Variants in CLCN5 observed in about 807,000 individuals in gnomAD.
CLCN5 encodes Cl-/H+ antiporter 5.
A neutral mutation model predicts 54.0 loss-of-function variants in CLCN5; 17 were observed. The ratio of observed to expected loss-of-function variants is 0.31; its 90% CI spans 0.22 to 0.47. The LOEUF is 0.47. Among genes scored for constraint, CLCN5 ranks in the 20% least tolerant of loss-of-function variants. The pLI, the probability that CLCN5 is intolerant of heterozygous loss-of-function variation, is 1.00. For synonymous variants in CLCN5, 222 were observed against 233.0 expected (o/e 0.95, Z 0.43); for missense variants, 448 against 646.7 (o/e 0.69, Z 3.33).
At chrX:50,044,225 T>C (rs1019374219) in intron 4 of CLCN5, among the ~76,000 whole-genome samples, 2 of 111,819 alleles carry the variant, frequency 1.8e-5, no homozygotes, top group Non-Finnish European at 3.8e-5. Context: ...GCTACAACCC[T>C]GTATTATAAG....
chrX:50,076,456 A>G (rs1351742473), intron 7 of CLCN5, among the ~76,000 whole-genome samples: 1 of 112,474 alleles, frequency 8.9e-6, no homozygotes, highest in Non-Finnish European at 1.9e-5. Flanking sequence ...ACCCAGGAAT[A>G]AAATTGCCTA....
chrX:49,928,845 A>G (rs1925489102), intron 3 of CLCN5, among the ~76,000 whole-genome samples: 1 of 111,422 alleles, frequency 9.0e-6, no homozygotes, highest in Non-Finnish European at 1.9e-5. Flanking sequence ...GAATGGCGTG[A>G]ACCCAGGAGG....
rs782665972 is a variant in CLCN5, at chrX:50,040,970, G to A, written c.17-1346G>A. Among the ~76,000 whole-genome samples, 9 of 111,405 alleles carry A rather than the reference G, an allele frequency of 8.1e-5. No homozygotes were observed. In the South Asian group the frequency reaches 3.4e-3, roughly 42 times the overall value. On this transcript the variant is annotated intron_variant, in intron 3 of 14. Coordinates refer to ENST00000376091, the MANE Select transcript of CLCN5 (RefSeq NM_001127898.4). ...TAACTGGGCAAGTTAGCCTTTTGCA[G>A]CTTTCAGTTTCCTTATCTACACTAG...
intron 10 of CLCN5, 94 bp downstream of exon 10, chrX:50,086,154 T>C (rs1933878036): frequency 2.6e-5 from 23 of 871,054 alleles, no homozygotes; most frequent in Non-Finnish European, 3.9e-5. Context: ...GTACAATATC[T>C]GTGTATATCC....
intron 4 of CLCN5, among the ~76,000 whole-genome samples, chrX:50,049,390 CTA>C (rs1428178585): frequency 9.0e-6 from 1 of 111,530 alleles, no homozygotes; most frequent in Non-Finnish European, 1.9e-5. Context: ...TAAGTACACT[CTA>C]TGATGTTTGC....
chrX:49,996,194 G>A (rs1466156538), intron 3 of CLCN5, among the ~76,000 whole-genome samples: 2 of 111,902 alleles, frequency 1.8e-5, no homozygotes, highest in Admixed American at 9.5e-5. Context: ...CCCTTGTGCC[G>A]AAGACTGTGT....
chrX:49,939,031 GA>G (rs1926169326), intron 3 of CLCN5, among the ~76,000 whole-genome samples: 1 of 108,660 alleles, frequency 9.2e-6, no homozygotes, highest in African/African-American at 3.3e-5. Flanking sequence ...AGAAACACAT[GA>G]AAAAATGCTC....
At chrX:49,989,434 A>G in intron 3 of CLCN5, among the ~76,000 whole-genome samples, 1 of 112,105 alleles carries the variant, frequency 8.9e-6, no homozygotes, top group Non-Finnish European at 1.9e-5. Context: ...CTAGCCTTTT[A>G]AGTCCCTTGA....
intron 3 of CLCN5, among the ~76,000 whole-genome samples, chrX:50,038,589 C>T (rs1932093107): frequency 8.9e-6 from 1 of 111,969 alleles, no homozygotes; most frequent in Non-Finnish European, 1.9e-5. Flanking sequence ...TCAAGAGTGT[C>T]AAGATCATGA....
chrX:50,014,414 G>A (rs1569538752), intron 3 of CLCN5, among the ~76,000 whole-genome samples: 2 of 112,175 alleles, frequency 1.8e-5, no homozygotes, highest in Non-Finnish European at 3.8e-5. Context: ...TAGGAGACTT[G>A]ACTTTTTGTC....
rs1175003681 is a variant in CLCN5 at position 50,094,040 on chromosome X, C to G, written c.*1821C>G. On this transcript the variant is annotated 3_prime_UTR_variant, in exon 15 of 15. Transcript: ENST00000376091. ...CATATTCCCACCAACCCTCTACCCCCAAACACTTCAGTGTACCTCATTTTA... is the reference window on the plus strand; with the variant it reads ...CATATTCCCACCAACCCTCTACCCCGAAACACTTCAGTGTACCTCATTTTA... The G allele has an allele frequency of 8.9e-6, 1 of 111,767 alleles. No homozygotes were observed. Among genetic ancestry groups the G allele is most frequent in the Non-Finnish European group, 1.9e-5 (1 of 53,148 alleles). 9.2% of individuals were successfully genotyped at this position (111,767 alleles called of 1,213,427 possible). A position where few individuals can be genotyped will look rare whatever the true frequency, so the allele number is the denominator to read the frequency against.
chrX:49,994,893 TAAGATGC>T (rs1451701251), intron 3 of CLCN5, among the ~76,000 whole-genome samples: 46 of 112,189 alleles, frequency 4.1e-4, no homozygotes, highest in South Asian at 3.7e-4. Flanking sequence ...ATGATGCAAC[TAAGATGC>T]AGAAACATTA....
chrX:50,007,440 T>TCACA (rs1198364892), intron 3 of CLCN5, among the ~76,000 whole-genome samples: 2,758 of 69,483 alleles, frequency 0.04, 115 homozygotes, highest in African/African-American at 0.13. Context: ...TCTCTCTCTG[T>TCACA]CACACACACA....
chrX:49,958,082 CA>C (rs1421669460), intron 3 of CLCN5, among the ~76,000 whole-genome samples: 6 of 111,549 alleles, frequency 5.4e-5, no homozygotes, highest in African/African-American at 1.6e-4. Flanking sequence ...ACTATCACTA[CA>C]AGACTTCCTT....
chrX:49,970,382 C>T (rs1483771237), intron 3 of CLCN5, among the ~76,000 whole-genome samples: 1 of 110,824 alleles, frequency 9.0e-6, no homozygotes, highest in Non-Finnish European at 1.9e-5. Context: ...TTTCTATCAC[C>T]TCGAAACACT....
chrX:50,070,098 C>T (rs1343100851), intron 5 of CLCN5, 68 bp downstream of exon 5: 15 of 986,891 alleles, frequency 1.5e-5, no homozygotes, highest in Non-Finnish European at 2.1e-5. Context: ...GATACATATT[C>T]TTTCTATTCT....
intron 4 of CLCN5, among the ~76,000 whole-genome samples, chrX:50,058,632 G>T (rs782755608): frequency 9.0e-6 from 1 of 111,396 alleles, no homozygotes; most frequent in East Asian, 2.8e-4. Flanking sequence ...CTGTTTCAAT[G>T]TTGACTTTTT....
At chrX:50,067,602 C>T (rs1307131966) in intron 4 of CLCN5, 14 of 753,457 alleles carry the variant, frequency 1.9e-5, no homozygotes, top group Non-Finnish European at 2.2e-5. Flanking sequence ...CTTTAGGTGG[C>T]GTTTGTTGCT....
intron 3 of CLCN5, among the ~76,000 whole-genome samples, chrX:49,982,024 G>A (rs888051641): frequency 9.1e-6 from 1 of 110,224 alleles, no homozygotes; most frequent in Non-Finnish European, 1.9e-5. Flanking sequence ...TGCTCATTTC[G>A]TCCTCTGTTT....
Sources: allele counts gnomAD v4.1 joint callset (sites outside exome capture counted in the v4.1 genomes callset), GRCh38; gene constraint gnomAD v4.1.1; transcripts MANE v1.5; gene names NCBI Gene and HGNC (gene_info 2026-07-23, HGNC 2026-07-21).